Variants in HLCS observed in about 807,000 individuals in gnomAD.
HLCS encodes the protein holocarboxylase synthetase.
In HLCS, 53 loss-of-function variants were observed where a neutral mutation model predicts 75.0. The ratio of observed to expected loss-of-function variants is 0.71; its 90% CI spans 0.57 to 0.89. HLCS has a LOEUF of 0.89. Among genes scored for constraint, HLCS ranks in the 40% least tolerant of loss-of-function variants. HLCS has a pLI of 0.00. For synonymous variants in HLCS, 431 were observed against 428.6 expected (o/e 1.01, Z -0.07); for missense variants, 966 against 1,074.0 (o/e 0.90, Z 1.41).
intron 6 of HLCS, among the ~76,000 whole-genome samples, chr21:36,786,656 G>T (rs1020501214): frequency 6.6e-6 from 1 of 152,022 alleles, no homozygotes; most frequent in Admixed American, 6.5e-5. Context: ...TCTTTGTTTC[G>T]GTTTTTCCTA....
At chr21:36,907,742 A>T (rs2065521314) in intron 5 of HLCS, among the ~76,000 whole-genome samples, 1 of 152,236 alleles carries the variant, frequency 6.6e-6, no homozygotes, top group African/African-American at 2.4e-5. Context: ...CTCAATACTT[A>T]TATCAGACAA....
intron 5 of HLCS, among the ~76,000 whole-genome samples, chr21:36,920,217 C>T (rs1480149210): frequency 6.6e-6 from 1 of 151,788 alleles, no homozygotes; most frequent in Non-Finnish European, 1.5e-5. Context: ...GCCTGTAGTC[C>T]CCGCTGCTTG....
intron 6 of HLCS, among the ~76,000 whole-genome samples, chr21:36,819,589 C>T (rs1444901673): frequency 6.6e-6 from 1 of 152,086 alleles, no homozygotes; most frequent in Non-Finnish European, 1.5e-5. Context: ...GTATCATTTA[C>T]GGAAAGCTTC....
intron 6 of HLCS, among the ~76,000 whole-genome samples, chr21:36,838,104 G>T (rs2835479): frequency 0.42 from 63,428 of 151,750 alleles, 14,746 homozygotes; most frequent in African/African-American, 0.62. Flanking sequence ...GTGTAACCAA[G>T]GCAGCAACTG....
At chr21:36,801,526 T>C (rs2061200415) in intron 6 of HLCS, among the ~76,000 whole-genome samples, 1 of 152,234 alleles carries the variant, frequency 6.6e-6, no homozygotes, top group East Asian at 1.9e-4. Flanking sequence ...TGCCATCTCA[T>C]TGCAAGGCAC....
intron 6 of HLCS, among the ~76,000 whole-genome samples, chr21:36,881,985 A>G (rs1388764521): frequency 1.3e-5 from 2 of 152,038 alleles, no homozygotes; most frequent in African/African-American, 4.8e-5. Flanking sequence ...CTTGAGCAAG[A>G]GTGAGACTCC....
At chr21:36,903,046 G>C (rs575813343) in intron 5 of HLCS, among the ~76,000 whole-genome samples, 2 of 152,298 alleles carry the variant, frequency 1.3e-5, no homozygotes, top group Admixed American at 1.3e-4. Context: ...GTCAGCACCA[G>C]AGAGAGCTCC....
chr21:36,809,837 C>T (rs570658044), intron 6 of HLCS, among the ~76,000 whole-genome samples: 15 of 152,306 alleles, frequency 9.8e-5, no homozygotes, highest in African/African-American at 3.6e-4. Context: ...CTCCTGGGCC[C>T]AAGCAATCCT....
intron 6 of HLCS, among the ~76,000 whole-genome samples, chr21:36,774,038 T>C (rs1384987627): frequency 6.6e-6 from 1 of 152,170 alleles, no homozygotes; most frequent in Non-Finnish European, 1.5e-5. Context: ...ACAAGATTGT[T>C]TTTTGAAAGG....
intron 6 of HLCS, among the ~76,000 whole-genome samples, chr21:36,869,267 G>A (rs1002110295): frequency 1.3e-5 from 2 of 152,110 alleles, no homozygotes; most frequent in African/African-American, 4.8e-5. Context: ...TGGGACTACA[G>A]GCGCCCGCCA....
chr21:36,789,710 C>T (rs112938967), intron 6 of HLCS, among the ~76,000 whole-genome samples: 2,686 of 152,344 alleles, frequency 0.018, 38 homozygotes, highest in Non-Finnish European at 0.028. Context: ...TGCCACCTTA[C>T]GCATTTTCTA....
intron 4 of HLCS, among the ~76,000 whole-genome samples, chr21:36,935,925 G>A (rs1349488717): frequency 6.6e-6 from 1 of 152,100 alleles, no homozygotes; most frequent in Non-Finnish European, 1.5e-5. Flanking sequence ...TCAGCACTTG[G>A]AAGAGTGACA....
intron 6 of HLCS, among the ~76,000 whole-genome samples, chr21:36,822,492 A>G (rs940390164): frequency 6.6e-6 from 1 of 152,192 alleles, no homozygotes; most frequent in African/African-American, 2.4e-5. Flanking sequence ...TTCATAAAGC[A>G]TATTTATCTG....
chr21:36,754,314 CAA>C lies in HLCS; in HGVS notation c.2552_2553del (p.Val851GlyfsTer44), dbSNP rs1482978707. On this transcript the variant is annotated frameshift_variant, in exon 11 of 11. Transcript: ENST00000674895. LOFTEE classifies it high-confidence loss of function. ...GAGTTGCCGTCCGGGTGCACAGTCA[CAA>C]CCTCGCCGCCCTCCTGGTGAACCTG... ...FLQVHQEGGE[V>X]VTVHPDGNSF... 6.2e-7 allele frequency: 1 copy of C among 1,614,078 alleles called. No individual in the cohort carries two copies. The highest frequency in any genetic ancestry group is 1.3e-5 in the African/African-American group (1 of 75,042).
At chr21:36,885,976 G>C (rs1161801448) in intron 6 of HLCS, among the ~76,000 whole-genome samples, 2 of 152,024 alleles carry the variant, frequency 1.3e-5, no homozygotes, top group Admixed American at 1.3e-4. Flanking sequence ...CCCATCCCAA[G>C]ATCTAAGTAA....
intron 6 of HLCS, among the ~76,000 whole-genome samples, chr21:36,790,756 C>T (rs1341596781): frequency 6.6e-6 from 1 of 152,162 alleles, no homozygotes; most frequent in Non-Finnish European, 1.5e-5. Context: ...GAAGGCAGGT[C>T]AGAAGCTGCT....
At chr21:36,905,295 T>C (rs1375999105) in intron 5 of HLCS, among the ~76,000 whole-genome samples, 2 of 152,088 alleles carry the variant, frequency 1.3e-5, no homozygotes, top group Non-Finnish European at 2.9e-5. Flanking sequence ...AAATAACAGA[T>C]AGATAGGTAA....
chr21:36,834,666 C>T (rs1362031899), intron 6 of HLCS, among the ~76,000 whole-genome samples: 1 of 152,238 alleles, frequency 6.6e-6, no homozygotes, highest in East Asian at 1.9e-4. Context: ...AGCGAGTCTC[C>T]TGCCTCAGCC....
intron 1 of HLCS, among the ~76,000 whole-genome samples, chr21:36,986,080 G>A (rs571670413): frequency 5.9e-5 from 9 of 152,322 alleles, no homozygotes; most frequent in Non-Finnish European, 1.0e-4. Flanking sequence ...CAACAGTGTT[G>A]AGAGGTGGGT....
Sources: gnomAD v4.1 joint callset for allele counts (sites outside exome capture counted in the v4.1 genomes callset) on GRCh38, gnomAD v4.1.1 for gene constraint, MANE v1.5 for transcripts, NCBI Gene and HGNC (gene_info 2026-07-23, HGNC 2026-07-21) for gene names.